The following ADAMTS6 variants were observed in gnomAD, a reference collection of about 807,000 sequenced individuals.
ADAMTS6 encodes ADAM metallopeptidase with thrombospondin type 1 motif 6, also known as A disintegrin and metalloproteinase with thrombospondin motifs 6.
ADAMTS6 carries 23 observed loss-of-function variants against 144.3 expected under a neutral mutation model. The ratio of observed to expected loss-of-function variants is 0.16; its 90% CI spans 0.11 to 0.23. The LOEUF (loss-of-function observed/expected upper bound fraction) is 0.23, where lower values mean the gene tolerates loss of function less well. Ranked by LOEUF, ADAMTS6 falls within the 10% of genes least tolerant of loss-of-function variation. The pLI is 1.00. For synonymous variants in ADAMTS6, 444 were observed against 457.5 expected, an observed-to-expected ratio of 0.97 and a Z score of 0.38; for missense variants, 999 against 1,379.6, an observed-to-expected ratio of 0.72 and a Z score of 4.37.
chr5:65,158,039 A>T (rs1752532540), intron 24 of ADAMTS6, among the ~76,000 whole-genome samples: 1 of 152,124 alleles, frequency 6.6e-6, no homozygotes, highest in South Asian at 2.1e-4. Flanking sequence ...CCCACATTCA[A>T]CCTGGAGGTG....
At chr5:65,450,109 A>C (rs1758621680) in intron 7 of ADAMTS6, among the ~76,000 whole-genome samples, 1 of 152,190 alleles carries the variant, frequency 6.6e-6, no homozygotes, top group Admixed American at 6.5e-5. Context: ...ACATTCGCAC[A>C]ATTCCTAGTA....
intron 14 of ADAMTS6, among the ~76,000 whole-genome samples, chr5:65,257,510 G>A (rs762053976): frequency 2.6e-5 from 4 of 152,062 alleles, no homozygotes; most frequent in Admixed American, 6.5e-5. Flanking sequence ...CTAGCGCAGA[G>A]CCCATGGCTC....
intron 22 of ADAMTS6, among the ~76,000 whole-genome samples, chr5:65,185,041 C>CA (rs1342621810): frequency 1.3e-5 from 2 of 151,926 alleles, no homozygotes; most frequent in African/African-American, 2.4e-5. Flanking sequence ...ATGGGTGTGT[C>CA]AAAAAAATTG....
At chr5:65,460,049 A>G in intron 4 of ADAMTS6, 121 bp downstream of exon 4, 1 of 1,084,632 alleles carries the variant, frequency 9.2e-7, no homozygotes, top group Admixed American at 3.1e-5. Flanking sequence ...AGGGCTCTGG[A>G]CATTATAATT....
At chr5:65,304,763 A>T (rs973649777) in intron 9 of ADAMTS6, among the ~76,000 whole-genome samples, 3 of 152,138 alleles carry the variant, frequency 2.0e-5, no homozygotes, top group Non-Finnish European at 2.9e-5. Context: ...AGCAAAAAAA[A>T]ATTAAGAAAG....
At chr5:65,338,175 T>A (rs1046991328) in intron 7 of ADAMTS6, among the ~76,000 whole-genome samples, 1 of 152,242 alleles carries the variant, frequency 6.6e-6, no homozygotes, top group African/African-American at 2.4e-5. Context: ...CCTATGGTAC[T>A]TTTTTGGTTT....
intron 18 of ADAMTS6, among the ~76,000 whole-genome samples, chr5:65,223,456 T>G (rs922858227): frequency 3.9e-5 from 6 of 152,220 alleles, no homozygotes; most frequent in Non-Finnish European, 8.8e-5. Flanking sequence ...TTGTACTATT[T>G]GACCAACATC....
chr5:65,480,954 T>C (rs1203448553), intron 1 of ADAMTS6, among the ~76,000 whole-genome samples: 1 of 152,196 alleles, frequency 6.6e-6, no homozygotes, highest in African/African-American at 2.4e-5. Flanking sequence ...ATAAGACTTT[T>C]CTGTAAGAAA....
At chr5:65,217,031 C>T (rs1422474108) in intron 18 of ADAMTS6, among the ~76,000 whole-genome samples, 1 of 152,120 alleles carries the variant, frequency 6.6e-6, no homozygotes, top group African/African-American at 2.4e-5. Flanking sequence ...AGCTCTTGTC[C>T]TTCATACTAC....
At chr5:65,321,553 A>G (rs940189117) in intron 9 of ADAMTS6, among the ~76,000 whole-genome samples, 1 of 152,014 alleles carries the variant, frequency 6.6e-6, no homozygotes, top group African/African-American at 2.4e-5. Context: ...ATTAAATCCC[A>G]TTAGTCAATT....
intron 8 of ADAMTS6, among the ~76,000 whole-genome samples, chr5:65,333,079 G>A (rs1201992234): frequency 1.3e-5 from 2 of 152,046 alleles, no homozygotes; most frequent in Admixed American, 6.6e-5. Context: ...TTTGATCTTT[G>A]CAAAATGCTT....
intron 10 of ADAMTS6, chr5:65,297,302 A>T: frequency 2.2e-6 from 1 of 453,890 alleles, no homozygotes; most frequent in South Asian, 1.6e-5. Context: ...AATAGCATCT[A>T]GTGTTTTAGA....
In ADAMTS6 at chr5:65,448,883, C is replaced by G. The variant is rs565818353; in HGVS notation, c.1073+2592G>C. ...ATGTTAATAAGTGAGTTAGATCAAC[C>G]AATTTTCAATATTAATACAAAATCA... is the stretch of plus-strand genomic sequence containing the variant. On this transcript the variant is annotated intron_variant, in intron 7 of 24. Transcript: ENST00000381055. 2.9e-3 allele frequency among the ~76,000 whole-genome samples: 440 copies of G among 152,244 alleles called. 3 individuals carry two copies. The highest frequency in any genetic ancestry group is 9.7e-3 in the African/African-American group (401 of 41,532).
chr5:65,275,250 AAGAG>A (rs1194398166), intron 11 of ADAMTS6, among the ~76,000 whole-genome samples: 1 of 146,808 alleles, frequency 6.8e-6, no homozygotes, highest in African/African-American at 2.5e-5. Context: ...AAAGGAAAGA[AAGAG>A]AGAGAGAGGT....
intron 22 of ADAMTS6, among the ~76,000 whole-genome samples, chr5:65,176,265 C>T (rs1361546543): frequency 6.6e-6 from 1 of 151,448 alleles, no homozygotes; most frequent in Non-Finnish European, 1.5e-5. Flanking sequence ...CTGCGAAAGT[C>T]GTGAAAGAAA....
intron 7 of ADAMTS6, among the ~76,000 whole-genome samples, chr5:65,387,813 T>A (rs10452454): frequency 2.0e-5 from 3 of 152,192 alleles, no homozygotes; most frequent in Non-Finnish European, 4.4e-5. Context: ...AATGAAAGAC[T>A]ATTCAGTGAA....
At chr5:65,386,889 G>C (rs537961751) in intron 7 of ADAMTS6, among the ~76,000 whole-genome samples, 116 of 152,236 alleles carry the variant, frequency 7.6e-4, no homozygotes, top group Non-Finnish European at 2.1e-4. Context: ...ACCCAGCCAA[G>C]TATTAACTTC....
intron 21 of ADAMTS6, among the ~76,000 whole-genome samples, chr5:65,189,348 A>G (rs1652511058): frequency 6.6e-6 from 1 of 152,210 alleles, no homozygotes; most frequent in African/African-American, 2.4e-5. Flanking sequence ...TAGAATTTTT[A>G]TATCTCAACT....
chr5:65,266,449 A>G (rs1046105535), intron 12 of ADAMTS6, among the ~76,000 whole-genome samples: 5 of 151,960 alleles, frequency 3.3e-5, no homozygotes, highest in African/African-American at 9.7e-5. Flanking sequence ...AATTTGTAAT[A>G]TAAGTATCAG....
Sources: allele counts gnomAD v4.1 joint callset (sites outside exome capture counted in the v4.1 genomes callset), GRCh38; gene constraint gnomAD v4.1.1; transcripts MANE v1.5; gene names NCBI Gene and HGNC (gene_info 2026-07-23, HGNC 2026-07-21).